EFR3B: variants seen among roughly 807,000 people sequenced by gnomAD.
EFR3B encodes the protein EFR3 homolog B, also known as protein EFR3 homolog B.
EFR3B carries 64 observed loss-of-function variants against 104.7 expected under a neutral mutation model. That is an observed-to-expected ratio of 0.61 (90% CI 0.50 to 0.75). The LOEUF is 0.75. Among genes scored for constraint, EFR3B ranks in the 30% least tolerant of loss-of-function variants. The pLI, the probability that EFR3B is intolerant of heterozygous loss-of-function variation, is 0.00. For synonymous variants in EFR3B, 385 were observed against 417.9 expected, an observed-to-expected ratio of 0.92 and a Z score of 0.96; for missense variants, 750 against 1,078.5, an observed-to-expected ratio of 0.70 and a Z score of 4.27.
At chr2:25,144,724 CGTT>C (rs372095448) in intron 18 of EFR3B, among the ~76,000 whole-genome samples, 55 of 152,176 alleles carry the variant, frequency 3.6e-4, no homozygotes, top group African/African-American at 1.3e-3. Flanking sequence ...TTTGTGTTCT[CGTT>C]GACGATTTCA....
intron 16 of EFR3B, 69 bp downstream of exon 16, chr2:25,139,259 T>G: frequency 1.3e-6 from 2 of 1,504,964 alleles, no homozygotes; most frequent in Non-Finnish European, 1.8e-6. Context: ...AGCTTTTCCT[T>G]AATTGCATTA....
At chr2:25,152,692 C>T (rs1671045055) in intron 21 of EFR3B, among the ~76,000 whole-genome samples, 1 of 152,070 alleles carries the variant, frequency 6.6e-6, no homozygotes, top group African/African-American at 2.4e-5. Context: ...GATTTATTAG[C>T]CCCGAATGTC....
chr2:25,136,549 A>C lies in EFR3B; in HGVS notation c.1511A>C (p.Lys504Thr). ...ACCCTCAGTGACATCTCTGTCCTGA[A>C]GCTGAAAGTGGACAAGTGCTCTCGA... ...ISTLSDISVL[K>T]LKVDKCSRQD... The change falls in exon 14 of 23, where the codon AAG becomes ACG. Residue 504 changes from lysine (K) to threonine (T), a missense_variant. Coordinates refer to ENST00000403714, the MANE Select transcript of EFR3B (RefSeq NM_014971.2). The surrounding 1 kb of genome is among the most constrained non-coding windows in gnomAD (Gnocchi z 4.0). 4 of 1,551,544 alleles carry C rather than the reference A, an allele frequency of 2.6e-6. No homozygotes were observed. Among genetic ancestry groups the C allele is most frequent in the Non-Finnish European group, 3.5e-6 (4 of 1,146,936 alleles).
chr2:25,131,886 C>A lies in EFR3B; in HGVS notation c.1122C>A (p.Phe374Leu). The change falls in exon 10 of 23, where the codon TTC becomes TTA. Residue 374 changes from phenylalanine (F) to leucine (L), a missense_variant. Transcript: ENST00000403714. The surrounding 1 kb of genome is among the most constrained non-coding windows in gnomAD (Gnocchi z 7.6). The part of the protein sequence containing the change: ...KIIKEHEERM[F>L]QEAVIKTVGS... ...TCAAGGAGCACGAGGAGCGCATGTT[C>A]CAGGAGGCCGTCATCAAGACCGTGG... 1 of 1,541,514 alleles carries A rather than the reference C, an allele frequency of 6.5e-7. No homozygotes were observed. The highest frequency in any genetic ancestry group is 8.7e-7 in the Non-Finnish European group (1 of 1,143,112).
intron 4 of EFR3B, among the ~76,000 whole-genome samples, chr2:25,121,167 G>T (rs1420015747): frequency 6.6e-6 from 1 of 152,180 alleles, no homozygotes; most frequent in Non-Finnish European, 1.5e-5. Flanking sequence ...CTCCCAAAGT[G>T]CTGGGATTAC....
rs1669816663 is a variant in EFR3B, at chr2:25,114,870, T to A, written c.364-6803T>A. Among the ~76,000 whole-genome samples the A allele has an allele frequency of 6.6e-6, 1 of 151,812 alleles. No individual in the cohort carries two copies. On this transcript the variant is annotated intron_variant, in intron 4 of 22. Coordinates refer to ENST00000403714, the MANE Select transcript of EFR3B (RefSeq NM_014971.2). This position sits in a 1 kb window ranked among gnomAD's most constrained non-coding sequence, Gnocchi z 4.0. ...GACCTGTAGATCCCCTGCCCCAGAG[T>A]AGGGGGAGCGGGCACTTAAGGATGC... is the stretch of plus-strand genomic sequence containing the variant.
At chr2:25,092,897 G>A (rs1669172080) in intron 2 of EFR3B, 106 bp from the exon 3 acceptor site, 4 of 1,394,754 alleles carry the variant, frequency 2.9e-6, no homozygotes, top group African/African-American at 1.4e-5. Context: ...CATCCATAAA[G>A]GACACTCTGT....
At position 25,136,405 on chromosome 2, in the gene EFR3B, G is replaced by C. The variant is rs770873572; in HGVS notation, c.1485-118G>C. On this transcript the variant is annotated intron_variant, in intron 13 of 22. Transcript: ENST00000403714. This position sits in a 1 kb window ranked among gnomAD's most constrained non-coding sequence, Gnocchi z 4.0. ...GTAATCGGGCTGAGAACCAGGGCCA[G>C]GGGAGCACTGGAGGCTTTGTACCAA... The C allele has an allele frequency of 7.6e-5, 56 of 732,608 alleles. No homozygotes were observed. The highest frequency in any genetic ancestry group is 1.1e-4 in the Non-Finnish European group (49 of 445,122). The allele number at this position is 732,608 out of a possible 1,614,324, so 45.4% of individuals were successfully genotyped here. A position where few individuals can be genotyped will look rare whatever the true frequency, so the allele number is the denominator to read the frequency against.
intron 1 of EFR3B, among the ~76,000 whole-genome samples, chr2:25,048,335 CT>C (rs566507621): frequency 2.6e-5 from 4 of 152,034 alleles, no homozygotes; most frequent in Non-Finnish European, 5.9e-5. Context: ...ATTTTATATC[CT>C]TTTTTTTAAA....
At chr2:25,125,973 C>T (rs188294211) in intron 5 of EFR3B, among the ~76,000 whole-genome samples, 2 of 152,296 alleles carry the variant, frequency 1.3e-5, no homozygotes, top group Admixed American at 1.3e-4. Context: ...GCAACTCAAC[C>T]TTGAGAAAAA....
intron 1 of EFR3B, among the ~76,000 whole-genome samples, chr2:25,087,727 C>A (rs550751410): frequency 7.9e-5 from 12 of 152,186 alleles, no homozygotes; most frequent in African/African-American, 2.9e-4. Flanking sequence ...CCTACATCAG[C>A]CTCCCAAAGT....
chr2:25,115,161 A>G (rs760902930), intron 4 of EFR3B, among the ~76,000 whole-genome samples: 1 of 152,190 alleles, frequency 6.6e-6, no homozygotes, highest in Non-Finnish European at 1.5e-5. Context: ...AGCCTGGGCG[A>G]CAGGAGTGAG....
intron 18 of EFR3B, among the ~76,000 whole-genome samples, chr2:25,144,241 G>T (rs574294761): frequency 2.0e-5 from 3 of 152,270 alleles, no homozygotes; most frequent in African/African-American, 7.2e-5. Flanking sequence ...CTGTAAAACA[G>T]GAATTTAACA....
intron 1 of EFR3B, among the ~76,000 whole-genome samples, chr2:25,088,942 C>A (rs1669036174): frequency 6.6e-6 from 1 of 152,188 alleles, no homozygotes; most frequent in South Asian, 2.1e-4. Flanking sequence ...TCTACTGGTG[C>A]AGAAAGGCCC....
intron 3 of EFR3B, among the ~76,000 whole-genome samples, chr2:25,101,206 A>C (rs1418239147): frequency 6.6e-6 from 1 of 152,180 alleles, no homozygotes; most frequent in Admixed American, 6.5e-5. Flanking sequence ...TCTTCAGCAC[A>C]TGGCTTTCCT....
intron 1 of EFR3B, among the ~76,000 whole-genome samples, chr2:25,077,372 C>T (rs1338494132): frequency 6.6e-6 from 1 of 152,196 alleles, no homozygotes; most frequent in East Asian, 1.9e-4. Context: ...ATTGCAACCT[C>T]TGTCTCCTAG....
chr2:25,109,075 A>G (rs1159851221), intron 4 of EFR3B, among the ~76,000 whole-genome samples: 2 of 152,178 alleles, frequency 1.3e-5, no homozygotes, highest in Non-Finnish European at 2.9e-5. Context: ...CAGACAGTAA[A>G]AAGATAACCC....
At chr2:25,145,980 G>T (rs183038922) in intron 19 of EFR3B, 1 of 151,836 alleles carries the variant, frequency 6.6e-6, no homozygotes, top group East Asian at 1.9e-4. Flanking sequence ...AATGCGTAAT[G>T]ACATGCATCC....
chr2:25,055,155 T>G (rs182962624), intron 1 of EFR3B, among the ~76,000 whole-genome samples: 1 of 152,342 alleles, frequency 6.6e-6, no homozygotes, highest in African/African-American at 2.4e-5. Flanking sequence ...ATGCAGCTGG[T>G]TCAAGTCTGT....
Sources: gnomAD v4.1 joint callset for allele counts (sites outside exome capture counted in the v4.1 genomes callset) on GRCh38, gnomAD v4.1.1 for gene constraint, Gnocchi (gnomAD v3.1) non-coding constraint, MANE v1.5 for transcripts, NCBI Gene and HGNC (gene_info 2026-07-23, HGNC 2026-07-21) for gene names.